Variants in TMEM212 observed in about 807,000 individuals in gnomAD.
The protein encoded by TMEM212 is transmembrane protein 212.
Under a neutral mutation model 20.5 loss-of-function variants are expected in TMEM212, and 23 were observed. The observed-to-expected ratio is 1.12, with a 90% CI of 0.81 to 1.59. TMEM212 has a LOEUF of 1.59. Among genes scored for constraint, TMEM212 ranks in the 40% most tolerant of loss-of-function variants. TMEM212 has a pLI of 0.00. For synonymous variants in TMEM212, 76 were observed against 81.6 expected (o/e 0.93, Z 0.37); for missense variants, 211 against 215.0 (o/e 0.98, Z 0.12).
intron 2 of TMEM212, 99 bp from the exon 3 acceptor site, chr3:171,853,428 G>A: frequency 2.0e-6 from 2 of 1,005,212 alleles, no homozygotes; most frequent in Non-Finnish European, 2.8e-6. Flanking sequence ...CAATAGGAGA[G>A]ATTCATAGCC....
At position 171,853,660 on chromosome 3, in the gene TMEM212, T is replaced by C. The variant is rs1725042218; in HGVS notation, c.353T>C (p.Leu118Pro). Residue 118 changes from leucine to proline, a missense_variant, in exon 3 of 5, where the codon CTT (leucine) becomes CCT (proline). By Grantham distance (98) the Leu-to-Pro change is moderately conservative. Transcript: ENST00000334567. ...SFSGIAGTNYLGYAVTFPYPY... is the reference protein window; with the variant it reads ...SFSGIAGTNYPGYAVTFPYPY... ...TCAGGGATTGCAGGGACTAATTACC[T>C]TGGCTATGCAGTTACCTTTCCTTAT... 1 of 1,537,366 alleles carries C rather than the reference T, an allele frequency of 6.5e-7. No homozygotes were observed. Among genetic ancestry groups the C allele is most frequent in the African/African-American group, 1.4e-5 (1 of 73,020 alleles).
At chr3:171,852,683 T>C in intron 2 of TMEM212, among the ~76,000 whole-genome samples, 1 of 152,238 alleles carries the variant, frequency 6.6e-6, no homozygotes, top group Non-Finnish European at 1.5e-5. Flanking sequence ...ATCTGGGATC[T>C]CCTTCCAATC....
intron 1 of TMEM212, among the ~76,000 whole-genome samples, chr3:171,848,962 T>G (rs893984666): frequency 4.6e-5 from 7 of 151,910 alleles, no homozygotes; most frequent in African/African-American, 1.7e-4. Context: ...TTCAAAAATC[T>G]TTCACGTTGC....
chr3:171,851,777 C>G (rs1724982093), intron 1 of TMEM212, among the ~76,000 whole-genome samples: 1 of 152,224 alleles, frequency 6.6e-6, no homozygotes, highest in African/African-American at 2.4e-5. Context: ...TTGTATGAAT[C>G]ATGTCTTTAT....
intron 2 of TMEM212, among the ~76,000 whole-genome samples, chr3:171,852,947 G>A (rs1030656321): frequency 6.6e-6 from 1 of 152,198 alleles, no homozygotes; most frequent in Non-Finnish European, 1.5e-5. Flanking sequence ...AGCTCCCAGG[G>A]GATATCAGTG....
chr3:171,857,160 T>C (rs1725138224), intron 4 of TMEM212, among the ~76,000 whole-genome samples: 1 of 152,118 alleles, frequency 6.6e-6, no homozygotes, highest in East Asian at 1.9e-4. Context: ...TAACTGAAGC[T>C]ACCTCTATGC....
rs1034780290 is a variant in TMEM212 at position 171,853,313 on chromosome 3, C to T, written c.220-214C>T. Among the ~76,000 whole-genome samples, 15 of 144,316 alleles carry T rather than the reference C, an allele frequency of 1.0e-4. No individual in the cohort carries two copies. In the South Asian group the frequency reaches 1.3e-3, roughly 12 times the overall value. 94.7% of individuals were successfully genotyped at this position (144,316 alleles called of 152,430 possible). A position where few individuals can be genotyped will look rare whatever the true frequency, so the allele number is the denominator to read the frequency against. ...CACATCTTGCACATGTATCCCGGTA[C>T]TTAAAAAGTGAAAAAAAAAAAAAGA... On this transcript the variant is annotated intron_variant, in intron 2 of 4. Coordinates refer to ENST00000334567, the MANE Select transcript of TMEM212 (RefSeq NM_001164436.2).
intron 1 of TMEM212, among the ~76,000 whole-genome samples, chr3:171,850,980 A>G (rs1242057161): frequency 6.6e-6 from 1 of 152,224 alleles, no homozygotes; most frequent in African/African-American, 2.4e-5. Flanking sequence ...CAAAAGCAGC[A>G]TACCACACAA....
Position 171,859,057 on chromosome 3 carries a change from A to G in TMEM212, c.*1000A>G, listed in dbSNP as rs1377868785. The stretch of plus-strand genomic sequence containing the variant: ...CCGCAAACTGTCACAAGGACAGAAA[A>G]CCAAACACCACATGTTCTCACTCAT... On this transcript the variant is annotated 3_prime_UTR_variant, in exon 5 of 5. Transcript: ENST00000334567. The G allele has an allele frequency of 6.6e-6, 1 of 152,240 alleles. No homozygotes were observed. The highest frequency in any genetic ancestry group is 1.5e-5 in the Non-Finnish European group (1 of 68,078). The allele number at this position is 152,240 out of a possible 1,614,324, so 9.4% of individuals were successfully genotyped here. A position where few individuals can be genotyped will look rare whatever the true frequency, so the allele number is the denominator to read the frequency against.
At chr3:171,843,694 C>A (rs771911645) in intron 1 of TMEM212, among the ~76,000 whole-genome samples, 152 bp downstream of exon 1, 3 of 152,142 alleles carry the variant, frequency 2.0e-5, no homozygotes, top group African/African-American at 7.2e-5. Flanking sequence ...ACATTGATTT[C>A]TATTAATTGC....
chr3:171,844,859 C>G (rs543378478), intron 1 of TMEM212, among the ~76,000 whole-genome samples: 60 of 152,180 alleles, frequency 3.9e-4, no homozygotes, highest in African/African-American at 1.4e-3. Context: ...GAATAGCCCC[C>G]TATGTCGTTG....
chr3:171,848,594 G>T (rs935521124), intron 1 of TMEM212, among the ~76,000 whole-genome samples: 1 of 151,928 alleles, frequency 6.6e-6, no homozygotes, highest in Non-Finnish European at 1.5e-5. Flanking sequence ...GAATAGAATA[G>T]AATAGAATAG....
chr3:171,851,571 T>A (rs1724977156), intron 1 of TMEM212, among the ~76,000 whole-genome samples: 3 of 152,222 alleles, frequency 2.0e-5, no homozygotes. Flanking sequence ...GCCTCAGGGT[T>A]TTGTGACAAG....
intron 1 of TMEM212, among the ~76,000 whole-genome samples, chr3:171,844,159 G>A (rs1289298242): frequency 6.6e-6 from 1 of 152,128 alleles, no homozygotes; most frequent in Admixed American, 6.5e-5. Flanking sequence ...ACACTAAGTA[G>A]TACTCCGTGT....
Position 171,853,565 on chromosome 3 carries a change from G to A in TMEM212, c.258G>A (p.Met86Ile). ...ATFTFVILSI[M>I]GCPLHFAIAL... Reference sequence around the variant, plus strand: ...TCACCTTTGTGATTCTGAGCATTATGGGATGTCCACTTCATTTTGCAATAG... The same window carrying A: ...TCACCTTTGTGATTCTGAGCATTATAGGATGTCCACTTCATTTTGCAATAG... The change falls in exon 3 of 5, where the codon ATG (methionine) becomes ATA (isoleucine). Residue 86 changes from methionine to isoleucine, a missense_variant. By Grantham distance (10) the Met-to-Ile change is conservative (BLOSUM62 1). Coordinates refer to ENST00000334567, the MANE Select transcript of TMEM212 (RefSeq NM_001164436.2). 6.5e-7 allele frequency: 1 copy of A among 1,537,098 alleles called. No individual in the cohort carries two copies. The highest frequency in any genetic ancestry group is 8.7e-7 in the Non-Finnish European group (1 of 1,146,828).
chr3:171,843,599 G>A, intron 1 of TMEM212, 57 bp downstream of exon 1: 3 of 1,386,888 alleles, frequency 2.2e-6, no homozygotes, highest in South Asian at 3.1e-5. Flanking sequence ...GGAGGGAAAG[G>A]GAAAACAGAA....
chr3:171,844,746 G>C (rs1432890151), intron 1 of TMEM212, among the ~76,000 whole-genome samples: 1 of 152,158 alleles, frequency 6.6e-6, no homozygotes, highest in Non-Finnish European at 1.5e-5. Flanking sequence ...GTGTGAGATA[G>C]TATCTTAAAT....
intron 4 of TMEM212, among the ~76,000 whole-genome samples, chr3:171,857,567 C>T (rs1725148421): frequency 6.6e-6 from 1 of 152,112 alleles, no homozygotes; most frequent in Non-Finnish European, 1.5e-5. Context: ...AACTAAAAAG[C>T]TTCTGCACAG....
chr3:171,847,217 G>C lies in TMEM212; in HGVS notation c.159+3675G>C, dbSNP rs533723358. Among the ~76,000 whole-genome samples, 145 of 152,342 alleles carry C rather than the reference G, an allele frequency of 9.5e-4. 1 individual carries two copies. Among genetic ancestry groups the C allele is most frequent in the South Asian group, 6.6e-3 (32 of 4,828 alleles). On this transcript the variant is annotated intron_variant, in intron 1 of 4. Transcript: ENST00000334567. Reference sequence around the variant, plus strand: ...AGTTCTATTAATTCTAGAAAACATGGCTTGTAGATCAAGTTCTGATGAAAA... The same window carrying C: ...AGTTCTATTAATTCTAGAAAACATGCCTTGTAGATCAAGTTCTGATGAAAA...
Sources: gnomAD v4.1 joint callset for allele counts (sites outside exome capture counted in the v4.1 genomes callset) on GRCh38, gnomAD v4.1.1 for gene constraint, MANE v1.5 for transcripts, NCBI Gene and HGNC (gene_info 2026-07-23, HGNC 2026-07-21) for gene names.